The following DAP variants were observed in gnomAD, a reference collection of about 807,000 sequenced individuals.
DAP encodes the protein death-associated protein 1.
In DAP, 8 loss-of-function variants were observed where a neutral mutation model predicts 13.8. That is an observed-to-expected ratio of 0.58 (90% CI 0.34 to 1.05). The LOEUF is 1.05. Among genes scored for constraint, DAP ranks in the 50% least tolerant of loss-of-function variants. The probability of loss-of-function intolerance (pLI) is 0.03; values close to 1 mark genes in which losing one functional copy is unlikely to be tolerated. For missense variants in DAP, 106 were observed against 133.2 expected (o/e 0.80, Z 1.01); for synonymous variants, 47 against 47.5 (o/e 0.99, Z 0.04).
chr5:10,741,359 A>G (rs1463749667), intron 2 of DAP, among the ~76,000 whole-genome samples: 1 of 152,172 alleles, frequency 6.6e-6, no homozygotes, highest in Admixed American at 6.5e-5. Flanking sequence ...TCTCAAAAAA[A>G]AGCAGGTGCG....
intron 2 of DAP, among the ~76,000 whole-genome samples, chr5:10,737,350 A>C (rs1465032943): frequency 1.4e-4 from 21 of 147,916 alleles, no homozygotes; most frequent in Admixed American, 9.4e-4. Context: ...TGTCTCAAAA[A>C]AAAAACAAAA....
At chr5:10,703,279 TAAACTGTCTCAG>T (rs2126646637) in intron 2 of DAP, among the ~76,000 whole-genome samples, 1 of 152,336 alleles carries the variant, frequency 6.6e-6, no homozygotes, top group African/African-American at 2.4e-5. Context: ...CTTAGGTTCC[TAAACTGTCTCAG>T]AAGACACGTA....
intron 2 of DAP, among the ~76,000 whole-genome samples, chr5:10,729,868 G>A (rs1370909069): frequency 3.3e-5 from 5 of 152,200 alleles, no homozygotes; most frequent in South Asian, 4.1e-4. Flanking sequence ...CCTGCCTGGC[G>A]AGCTCCAGCA....
intron 2 of DAP, among the ~76,000 whole-genome samples, chr5:10,747,755 G>C (rs1020803920): frequency 1.3e-5 from 2 of 152,212 alleles, no homozygotes; most frequent in African/African-American, 2.4e-5. Context: ...CTTGGGAAGA[G>C]GGTGGCTGGC....
chr5:10,741,198 T>A (rs377307432), intron 2 of DAP, among the ~76,000 whole-genome samples: 1 of 151,850 alleles, frequency 6.6e-6, no homozygotes, highest in Non-Finnish European at 1.5e-5. Flanking sequence ...AAAAAAAATT[T>A]AAAAATTTGC....
At chr5:10,691,285 T>G (rs1738301321) in intron 2 of DAP, among the ~76,000 whole-genome samples, 1 of 152,276 alleles carries the variant, frequency 6.6e-6, no homozygotes, top group Admixed American at 6.5e-5. Flanking sequence ...GCGTATGTTG[T>G]GTTGAAGGTT....
At chr5:10,709,287 C>T (rs910840342) in intron 2 of DAP, among the ~76,000 whole-genome samples, 7 of 152,108 alleles carry the variant, frequency 4.6e-5, no homozygotes, top group Admixed American at 3.9e-4. Context: ...CTATAAAAAC[C>T]CAGGTGAGTT....
At chr5:10,749,380 A>C (rs1739988258) in intron 1 of DAP, among the ~76,000 whole-genome samples, 1 of 152,118 alleles carries the variant, frequency 6.6e-6, no homozygotes, top group Non-Finnish European at 1.5e-5. Flanking sequence ...TCTGAAAACC[A>C]CCAAGCTGTC....
intron 2 of DAP, among the ~76,000 whole-genome samples, chr5:10,731,806 C>T (rs1424803050): frequency 6.6e-6 from 1 of 152,238 alleles, no homozygotes; most frequent in African/African-American, 2.4e-5. Context: ...TTCTTCCTCT[C>T]AATGCCACTT....
At position 10,712,792 on chromosome 5, in the gene DAP, G is replaced by A. The variant is rs146641465; in HGVS notation, c.153-29221C>T. 5.3e-4 allele frequency among the ~76,000 whole-genome samples: 81 copies of A among 152,316 alleles called. 1 individual carries two copies. The highest frequency in any genetic ancestry group is 1.9e-3 in the African/African-American group (78 of 41,564). ...AGCTTCTCAGGGCTTCTGTTATTCA[G>A]TTGCAGAATGACTACATTGAACTCT... On this transcript the variant is annotated intron_variant, in intron 2 of 3. Coordinates refer to ENST00000230895, the MANE Select transcript of DAP (RefSeq NM_004394.3).
At chr5:10,750,064 T>C (rs996351118) in intron 1 of DAP, among the ~76,000 whole-genome samples, 7 of 152,158 alleles carry the variant, frequency 4.6e-5, no homozygotes, top group African/African-American at 7.2e-5. Context: ...CTTGTAGTCA[T>C]TGGCCCCCCA....
At chr5:10,719,907 C>T (rs187737207) in intron 2 of DAP, among the ~76,000 whole-genome samples, 1 of 152,324 alleles carries the variant, frequency 6.6e-6, no homozygotes, top group Non-Finnish European at 1.5e-5. Flanking sequence ...CAAAAGTAGA[C>T]AGCTGCAGCA....
At chr5:10,741,082 G>A (rs1475564256) in intron 2 of DAP, among the ~76,000 whole-genome samples, 3 of 152,200 alleles carry the variant, frequency 2.0e-5, no homozygotes, top group African/African-American at 7.2e-5. Context: ...TGGGTGTGGT[G>A]GTTCACGCCT....
At chr5:10,688,735 C>T (rs1043333594) in intron 2 of DAP, among the ~76,000 whole-genome samples, 1 of 152,182 alleles carries the variant, frequency 6.6e-6, no homozygotes, top group Non-Finnish European at 1.5e-5. Context: ...AAAGGAGATC[C>T]CCAGCAATGA....
chr5:10,683,593 G>A (rs1455065866), intron 2 of DAP, 22 bp from the exon 3 acceptor site: 3 of 1,613,424 alleles, frequency 1.9e-6, no homozygotes. Flanking sequence ...GAAGGGAAAA[G>A]GCAGATTTAA....
chr5:10,744,085 C>G (rs267948), intron 2 of DAP, among the ~76,000 whole-genome samples: 91,558 of 151,998 alleles, frequency 0.6, 29,215 homozygotes, highest in Non-Finnish European at 0.71. Context: ...CCACTTGTCC[C>G]TTTTCTCTGT....
intron 2 of DAP, among the ~76,000 whole-genome samples, chr5:10,743,182 T>C (rs978750791): frequency 5.3e-5 from 8 of 152,240 alleles, no homozygotes; most frequent in Non-Finnish European, 8.8e-5. Context: ...TTATGCATAG[T>C]TTTTTATTGT....
chr5:10,702,037 T>C (rs1289963044), intron 2 of DAP, among the ~76,000 whole-genome samples: 1 of 152,220 alleles, frequency 6.6e-6, no homozygotes, highest in Non-Finnish European at 1.5e-5. Flanking sequence ...GCAGGACTTA[T>C]ACTTTCCCAG....
chr5:10,759,792 T>C (rs1200901625), intron 1 of DAP, among the ~76,000 whole-genome samples: 1 of 146,488 alleles, frequency 6.8e-6, no homozygotes. Flanking sequence ...GCTCGCTTTG[T>C]CGCCAAGGCT....
Sources: allele counts gnomAD v4.1 joint callset (sites outside exome capture counted in the v4.1 genomes callset), GRCh38; gene constraint gnomAD v4.1.1; transcripts MANE v1.5; gene names NCBI Gene and HGNC (gene_info 2026-07-23, HGNC 2026-07-21).